The following SEMA3A variants were observed in gnomAD, a reference collection of about 807,000 sequenced individuals.
SEMA3A encodes semaphorin-3A.
In SEMA3A, 29 loss-of-function variants were observed where a neutral mutation model predicts 97.9. That is an observed-to-expected ratio of 0.30 (90% confidence interval 0.22 to 0.40). The LOEUF (loss-of-function observed/expected upper bound fraction) is 0.40. SEMA3A is among the 10% of genes least tolerant of loss of function. The pLI is 1.00. For missense variants in SEMA3A, 763 were observed against 951.3 expected (o/e 0.80, Z 2.60); for synonymous variants, 321 against 323.7 (o/e 0.99, Z 0.09).
chr7:84,112,812 C>A (rs985556091), intron 3 of SEMA3A, among the ~76,000 whole-genome samples: 5 of 152,142 alleles, frequency 3.3e-5, no homozygotes, highest in Non-Finnish European at 7.4e-5. Context: ...AAAGAGGAAC[C>A]ACTATAATAT....
intron 4 of SEMA3A, among the ~76,000 whole-genome samples, chr7:84,091,131 AGAAAGAAG>A (rs1794559909): frequency 3.7e-5 from 2 of 54,514 alleles, no homozygotes; most frequent in African/African-American, 1.1e-4. Context: ...AAAGAAAGAA[AGAAAGAAG>A]GAAGGAAGGA....
chr7:84,170,093 G>A (rs576452236), intron 1 of SEMA3A, among the ~76,000 whole-genome samples: 4 of 152,036 alleles, frequency 2.6e-5, no homozygotes, highest in Non-Finnish European at 5.9e-5. Context: ...TTTTCAGTTT[G>A]CAAAGATGAA....
intron 1 of SEMA3A, among the ~76,000 whole-genome samples, chr7:84,378,221 G>T (rs1043400473): frequency 7.9e-5 from 12 of 151,822 alleles, no homozygotes; most frequent in African/African-American, 2.9e-4. Context: ...ATATTCAAAA[G>T]AAATCTAAAA....
chr7:83,988,287 C>G (rs927961953), intron 12 of SEMA3A, among the ~76,000 whole-genome samples: 2 of 151,682 alleles, frequency 1.3e-5, no homozygotes, highest in Non-Finnish European at 2.9e-5. Flanking sequence ...AGTGCAGTGG[C>G]GTGATCTCGG....
At chr7:83,970,319 T>C (rs1412026468) in intron 15 of SEMA3A, among the ~76,000 whole-genome samples, 1 of 152,148 alleles carries the variant, frequency 6.6e-6, no homozygotes, top group Non-Finnish European at 1.5e-5. Context: ...TTAAATAAAT[T>C]GCTTCCTTTT....
intron 1 of SEMA3A, among the ~76,000 whole-genome samples, chr7:84,138,464 T>C (rs562909504): frequency 6.6e-6 from 1 of 152,230 alleles, no homozygotes; most frequent in Admixed American, 6.5e-5. Flanking sequence ...ATTTTCCCAA[T>C]TGAAAAATAT....
intron 3 of SEMA3A, among the ~76,000 whole-genome samples, chr7:84,258,069 C>G (rs1260585961): frequency 6.6e-6 from 1 of 152,136 alleles, no homozygotes; most frequent in Admixed American, 6.6e-5. Flanking sequence ...TCATTGTCTT[C>G]GTGTTCAAAG....
At chr7:84,062,599 T>A (rs906005758) in intron 4 of SEMA3A, among the ~76,000 whole-genome samples, 7 of 152,158 alleles carry the variant, frequency 4.6e-5, no homozygotes, top group Admixed American at 4.6e-4. Flanking sequence ...AGGCATTGCC[T>A]CACTTGGGAA....
At chr7:84,429,516 T>TTACATATATATATATATATA (rs1804913852) in intron 1 of SEMA3A, among the ~76,000 whole-genome samples, 1 of 72,420 alleles carries the variant, frequency 1.4e-5, no homozygotes, top group Non-Finnish European at 2.3e-5. Flanking sequence ...ATAGAGTTTG[T>TTACATATATATATATATATA]TATATATATA....
intron 12 of SEMA3A, among the ~76,000 whole-genome samples, chr7:83,997,205 A>G (rs1266379064): frequency 6.6e-6 from 1 of 152,222 alleles, no homozygotes; most frequent in Non-Finnish European, 1.5e-5. Flanking sequence ...ATAAAATCCA[A>G]GAATATCAGA....
chr7:84,060,664 C>G, intron 4 of SEMA3A, 106 bp from the exon 5 acceptor site: 1 of 658,082 alleles, frequency 1.5e-6, no homozygotes, highest in Non-Finnish European at 2.4e-6. Flanking sequence ...ATGTCCAACA[C>G]AAGAGTTATT....
chr7:84,168,978 C>A (rs911387241), intron 1 of SEMA3A, among the ~76,000 whole-genome samples: 4 of 151,588 alleles, frequency 2.6e-5, no homozygotes, highest in African/African-American at 9.7e-5. Context: ...ATTAATGTCA[C>A]CTGACATGCT....
chr7:84,283,050 T>A (rs1800486658), intron 3 of SEMA3A, among the ~76,000 whole-genome samples: 1 of 152,142 alleles, frequency 6.6e-6, no homozygotes, highest in South Asian at 2.1e-4. Flanking sequence ...TGAATAAAAT[T>A]ATGTAAATTT....
At position 84,390,297 on chromosome 7, in the gene SEMA3A, A is replaced by AT. The variant is rs761804699; in HGVS notation, c.-245-18398dup. On this transcript the variant is annotated intron_variant, in intron 1 of 3. Coordinates refer to the SEMA3A transcript ENST00000424555. ...ACTCCTGCACATCTGGCAGTGCAAG[A>AT]TTTTTTTTTTTAATTGAAAAAGCTT... 0.014 allele frequency among the ~76,000 whole-genome samples: 1,985 copies of AT among 145,240 alleles called. 76 individuals carry two copies. In the East Asian group the frequency reaches 0.16, roughly 12 times the overall value.
At chr7:84,068,505 G>A (rs1793621030) in intron 4 of SEMA3A, among the ~76,000 whole-genome samples, 1 of 151,072 alleles carries the variant, frequency 6.6e-6, no homozygotes, top group Non-Finnish European at 1.5e-5. Context: ...ATACTCTATT[G>A]TCACAATTCA....
chr7:84,254,732 G>A (rs932829187), intron 3 of SEMA3A, among the ~76,000 whole-genome samples: 3 of 152,066 alleles, frequency 2.0e-5, no homozygotes, highest in Admixed American at 6.6e-5. Flanking sequence ...ACCCAGTCAA[G>A]ATATGGAATT....
At chr7:84,244,436 G>T (rs536739983) in intron 3 of SEMA3A, among the ~76,000 whole-genome samples, 1 of 152,138 alleles carries the variant, frequency 6.6e-6, no homozygotes, top group East Asian at 1.9e-4. Flanking sequence ...CTTTCCATTT[G>T]CTTGGTAAAT....
chr7:84,371,421 A>C (rs1802973047), intron 2 of SEMA3A, among the ~76,000 whole-genome samples: 1 of 151,952 alleles, frequency 6.6e-6, no homozygotes, highest in Admixed American at 6.6e-5. Flanking sequence ...TGAGTTTTTT[A>C]GAAAGTAATT....
chr7:84,214,498 AC>A (rs1292457627), intron 3 of SEMA3A, among the ~76,000 whole-genome samples: 1 of 152,176 alleles, frequency 6.6e-6, no homozygotes, highest in East Asian at 1.9e-4. Context: ...TGATGAGGAA[AC>A]ATATTATTCC....
Sources: gnomAD v4.1 joint callset for allele counts (sites outside exome capture counted in the v4.1 genomes callset) on GRCh38, gnomAD v4.1.1 for gene constraint, MANE v1.5 for transcripts, NCBI Gene and HGNC (gene_info 2026-07-23, HGNC 2026-07-21) for gene names.